MSRB3: variants seen among roughly 807,000 people sequenced by gnomAD.
MSRB3 encodes the protein methionine sulfoxide reductase B3.
MSRB3 carries 13 observed loss-of-function variants against 21.0 expected under a neutral mutation model. That is an observed-to-expected ratio of 0.62 (90% CI 0.40 to 0.98). MSRB3 has a LOEUF of 0.98. Ranked by LOEUF, MSRB3 falls within the 50% of genes least tolerant of loss-of-function variation. The pLI is 0.00. For synonymous variants in MSRB3, 87 were observed against 88.6 expected (o/e 0.98, Z 0.10); for missense variants, 199 against 230.3 (o/e 0.86, Z 0.88).
chr12:65,293,254 A>AC (rs1361983788), intron 1 of MSRB3, among the ~76,000 whole-genome samples: 19 of 152,066 alleles, frequency 1.2e-4, no homozygotes, highest in African/African-American at 4.3e-4. Context: ...AAAGTGTCTC[A>AC]CCACCTTTGT....
At chr12:65,406,505 C>T (rs909216148) in intron 5 of MSRB3, among the ~76,000 whole-genome samples, 12 of 152,158 alleles carry the variant, frequency 7.9e-5, no homozygotes, top group African/African-American at 2.9e-4. Flanking sequence ...GTTAAAATGT[C>T]TGTATACCCA....
At chr12:65,342,904 A>G (rs1396988963) in intron 4 of MSRB3, among the ~76,000 whole-genome samples, 8 of 152,102 alleles carry the variant, frequency 5.3e-5, no homozygotes, top group Admixed American at 5.2e-4. Flanking sequence ...TGCATAGGAA[A>G]TAGTTTAAAA....
At chr12:65,447,820 A>G (rs1565896598) in intron 5 of MSRB3, among the ~76,000 whole-genome samples, 1 of 152,236 alleles carries the variant, frequency 6.6e-6, no homozygotes, top group Non-Finnish European at 1.5e-5. Context: ...GTGGATACCT[A>G]GTCCATTATT....
At chr12:65,386,789 T>C (rs1879217288) in intron 5 of MSRB3, among the ~76,000 whole-genome samples, 1 of 151,988 alleles carries the variant, frequency 6.6e-6, no homozygotes, top group African/African-American at 2.4e-5. Flanking sequence ...ATTGCATCAA[T>C]TTTTAAATGT....
At chr12:65,282,847 C>T (rs1204869103) in intron 1 of MSRB3, among the ~76,000 whole-genome samples, 1 of 152,092 alleles carries the variant, frequency 6.6e-6, no homozygotes, top group African/African-American at 2.4e-5. Context: ...TAGATTTTCC[C>T]TAAAGTCTCT....
rs1883104113 is a variant in MSRB3 at position 65,456,734 on chromosome 12, T to C, written c.390+2909T>C. ...TTTAAAGAAAAGAGGGAGAGGAATTTGTTCCGCTAAGGCATGTATGAAAAT... is the reference window on the plus strand; with the variant it reads ...TTTAAAGAAAAGAGGGAGAGGAATTCGTTCCGCTAAGGCATGTATGAAAAT... On this transcript the variant is annotated intron_variant, in intron 6 of 6. Transcript: ENST00000308259. 2.0e-5 allele frequency among the ~76,000 whole-genome samples: 3 copies of C among 152,328 alleles called. No individual in the cohort carries two copies. In the South Asian group the frequency reaches 6.2e-4, roughly 32 times the overall value.
At chr12:65,303,031 G>A (rs1248105876) in intron 1 of MSRB3, among the ~76,000 whole-genome samples, 4 of 148,916 alleles carry the variant, frequency 2.7e-5, no homozygotes, top group Non-Finnish European at 6.0e-5. Flanking sequence ...CTTTTTTTTT[G>A]GTCATTATTT....
At chr12:65,407,019 T>C (rs533288571) in intron 5 of MSRB3, among the ~76,000 whole-genome samples, 5 of 152,264 alleles carry the variant, frequency 3.3e-5, no homozygotes, top group Non-Finnish European at 5.9e-5. Context: ...CTTTATAAAA[T>C]TATCTGGTCT....
Position 65,297,873 on chromosome 12 carries a change from T to G in MSRB3, c.-51-10656T>G, listed in dbSNP as rs573644058. ...TATGGTAGATGGGAGATGAAAGGGA[T>G]GTATTTGAGCAGTATCTTGGAAATA... On this transcript the variant is annotated intron_variant, in intron 1 of 6. Coordinates refer to ENST00000308259, the MANE Select transcript of MSRB3 (RefSeq NM_001031679.3). Among the ~76,000 whole-genome samples the G allele has an allele frequency of 1.6e-4, 25 of 152,278 alleles. No individual in the cohort carries two copies. The East Asian group carries it at 4.8e-3, about 29-fold the overall frequency.
intron 1 of MSRB3, among the ~76,000 whole-genome samples, chr12:65,297,451 C>T (rs1442644948): frequency 6.6e-6 from 1 of 152,098 alleles, no homozygotes; most frequent in East Asian, 1.9e-4. Context: ...TGAGGGTAGA[C>T]AAGACTGTAT....
At chr12:65,449,154 G>A (rs1485696511) in intron 5 of MSRB3, among the ~76,000 whole-genome samples, 2 of 151,536 alleles carry the variant, frequency 1.3e-5, no homozygotes, top group African/African-American at 2.4e-5. Context: ...TCAGCCTCCC[G>A]AGTAGCTGGG....
intron 5 of MSRB3, chr12:65,418,874 G>A (rs1367649673): frequency 4.0e-6 from 3 of 750,970 alleles, no homozygotes; most frequent in Middle Eastern, 3.5e-4. Context: ...GGCAGGCAGT[G>A]ATACATGGCA....
intron 4 of MSRB3, among the ~76,000 whole-genome samples, chr12:65,365,531 G>A (rs1307519925): frequency 3.3e-5 from 5 of 152,134 alleles, no homozygotes; most frequent in Non-Finnish European, 7.4e-5. Context: ...AGAGGAGTGG[G>A]CACTTAATGT....
intron 4 of MSRB3, among the ~76,000 whole-genome samples, chr12:65,356,558 G>A (rs1013337136): frequency 1.1e-4 from 16 of 151,596 alleles, no homozygotes; most frequent in African/African-American, 3.6e-4. Flanking sequence ...TTTGGTGAGG[G>A]GACATATTTT....
intron 5 of MSRB3, among the ~76,000 whole-genome samples, chr12:65,409,376 T>C (rs2136621075): frequency 1.3e-5 from 2 of 152,202 alleles, no homozygotes; most frequent in African/African-American, 4.8e-5. Flanking sequence ...AGGCTACAAA[T>C]CTGTATACCA....
intron 5 of MSRB3, among the ~76,000 whole-genome samples, chr12:65,439,206 T>C (rs565288647): frequency 6.6e-6 from 1 of 151,718 alleles, no homozygotes; most frequent in South Asian, 2.1e-4. Flanking sequence ...TATATGATAA[T>C]AAAAAGGTAC....
chr12:65,369,007 C>T lies in MSRB3; in HGVS notation c.273C>T (p.Thr91=). The T allele has an allele frequency of 6.6e-7, 1 of 1,515,082 alleles. No individual in the cohort carries two copies. The highest frequency in any genetic ancestry group is 1.1e-5 in the South Asian group (1 of 89,194). The allele number at this position is 1,515,082 out of a possible 1,614,324, so 93.9% of individuals were successfully genotyped here. A position where few individuals can be genotyped will look rare whatever the true frequency, so the allele number is the denominator to read the frequency against. The part of the protein sequence containing the change: ...VCGTPLFKSE[T]KFDSGSGWPS... ...TTCTTTCTCTTTGCAGGTCAGAAAC[C>T]AAATTTGACTCCGGTTCAGGTATGT... Residue 91 remains threonine (T), a synonymous_variant, in exon 5 of 7, where the codon ACC becomes ACT. Coordinates refer to ENST00000308259, the MANE Select transcript of MSRB3 (RefSeq NM_001031679.3).
At chr12:65,284,478 T>A (rs1003886938) in intron 1 of MSRB3, 1 of 152,222 alleles carries the variant, frequency 6.6e-6, no homozygotes, top group African/African-American at 2.4e-5. Flanking sequence ...GAGAATGTGA[T>A]CTCAGCAGGT....
intron 1 of MSRB3, among the ~76,000 whole-genome samples, chr12:65,301,478 T>G (rs1873328092): frequency 6.6e-6 from 1 of 152,162 alleles, no homozygotes; most frequent in African/African-American, 2.4e-5. Context: ...ATTTAAAAAC[T>G]TTTCTGATGA....
Sources: allele counts gnomAD v4.1 joint callset (sites outside exome capture counted in the v4.1 genomes callset), GRCh38; gene constraint gnomAD v4.1.1; transcripts MANE v1.5; gene names NCBI Gene and HGNC (gene_info 2026-07-23, HGNC 2026-07-21).